Variants in SLCO5A1 observed in about 807,000 individuals in gnomAD.
SLCO5A1 encodes the protein solute carrier organic anion transporter family member 5A1.
SLCO5A1 carries 39 observed loss-of-function variants against 65.1 expected under a neutral mutation model. The ratio of observed to expected loss-of-function variants is 0.60; its 90% CI spans 0.46 to 0.78. The LOEUF (loss-of-function observed/expected upper bound fraction) is 0.78, where lower values mean the gene tolerates loss of function less well. Ranked by LOEUF, SLCO5A1 falls within the 30% of genes least tolerant of loss-of-function variation. The pLI, the probability that SLCO5A1 is intolerant of heterozygous loss-of-function variation, is 0.00. For synonymous variants in SLCO5A1, 438 were observed against 415.7 expected (o/e 1.05, Z -0.65); for missense variants, 1,029 against 1,069.4 (o/e 0.96, Z 0.53).
chr8:69,697,830 AT>A (rs1188696731), intron 6 of SLCO5A1, among the ~76,000 whole-genome samples: 2 of 152,006 alleles, frequency 1.3e-5, no homozygotes, highest in Admixed American at 6.6e-5. Context: ...CAGAAAGATA[AT>A]TTTTTTTATT....
intron 2 of SLCO5A1, among the ~76,000 whole-genome samples, chr8:69,785,852 C>A (rs555332732): frequency 1.3e-5 from 2 of 152,246 alleles, no homozygotes; most frequent in South Asian, 4.2e-4. Flanking sequence ...GTGCAACAGC[C>A]AAATAATACA....
At chr8:69,744,599 G>T (rs928685079) in intron 4 of SLCO5A1, among the ~76,000 whole-genome samples, 6 of 152,166 alleles carry the variant, frequency 3.9e-5, no homozygotes, top group African/African-American at 1.4e-4. Context: ...GACTATAAAA[G>T]CTATGACTGC....
At chr8:69,683,887 G>A (rs9298152) in intron 6 of SLCO5A1, among the ~76,000 whole-genome samples, 62,218 of 151,946 alleles carry the variant, frequency 0.41, 13,081 homozygotes, top group South Asian at 0.55. Flanking sequence ...TGACTATGCT[G>A]GTACCACTTA....
intron 6 of SLCO5A1, among the ~76,000 whole-genome samples, chr8:69,698,963 A>G (rs1264249415): frequency 6.6e-6 from 1 of 152,234 alleles, no homozygotes; most frequent in Non-Finnish European, 1.5e-5. Flanking sequence ...AAGCAGTCCA[A>G]TGTGAAGCAG....
At chr8:69,797,807 A>T (rs1458947857) in intron 2 of SLCO5A1, among the ~76,000 whole-genome samples, 1 of 152,066 alleles carries the variant, frequency 6.6e-6, no homozygotes, top group Non-Finnish European at 1.5e-5. Context: ...CGTGCCCAAA[A>T]CTTCATTAGC....
At chr8:69,709,293 A>G (rs945759855) in intron 5 of SLCO5A1, among the ~76,000 whole-genome samples, 1 of 152,150 alleles carries the variant, frequency 6.6e-6, no homozygotes, top group Non-Finnish European at 1.5e-5. Context: ...AAAGGGAATG[A>G]ATGGTTGAAT....
At chr8:69,687,258 C>T (rs927205789) in intron 6 of SLCO5A1, among the ~76,000 whole-genome samples, 2 of 152,074 alleles carry the variant, frequency 1.3e-5, no homozygotes, top group Admixed American at 6.5e-5. Context: ...CAAATCTTTT[C>T]GTCTATGGCT....
intron 2 of SLCO5A1, among the ~76,000 whole-genome samples, chr8:69,779,137 C>T (rs369892380): frequency 3.9e-5 from 6 of 152,106 alleles, no homozygotes; most frequent in East Asian, 3.8e-4. Flanking sequence ...AAAAGTTTGC[C>T]GGCCCTTATA....
intron 3 of SLCO5A1, among the ~76,000 whole-genome samples, chr8:69,757,612 G>T (rs1021519879): frequency 6.6e-6 from 1 of 152,226 alleles, no homozygotes; most frequent in Admixed American, 6.5e-5. Context: ...CCAGGAGGCA[G>T]AGGTTGCAGT....
chr8:69,746,766 A>T (rs1817046969), intron 4 of SLCO5A1, among the ~76,000 whole-genome samples: 1 of 152,134 alleles, frequency 6.6e-6, no homozygotes, highest in Admixed American at 6.5e-5. Flanking sequence ...ATGTTTATAA[A>T]TTTCTATATT....
intron 2 of SLCO5A1, among the ~76,000 whole-genome samples, chr8:69,776,188 T>G (rs1206600243): frequency 6.6e-6 from 1 of 152,160 alleles, no homozygotes; most frequent in Non-Finnish European, 1.5e-5. Flanking sequence ...TTCCCATATA[T>G]ATATCATGGT....
At chr8:69,787,054 C>T (rs1819065745) in intron 2 of SLCO5A1, among the ~76,000 whole-genome samples, 1 of 152,228 alleles carries the variant, frequency 6.6e-6, no homozygotes, top group Non-Finnish European at 1.5e-5. Flanking sequence ...CTGACTTGTC[C>T]TCATCCCTTC....
chr8:69,737,435 A>G (rs954063406), intron 5 of SLCO5A1, among the ~76,000 whole-genome samples: 15 of 152,282 alleles, frequency 9.9e-5, no homozygotes, highest in African/African-American at 2.9e-4. Flanking sequence ...AATTCCTCCA[A>G]TATCTGAGAA....
At chr8:69,762,022 G>T in intron 2 of SLCO5A1, 147 bp from the exon 3 acceptor site, 1 of 942,600 alleles carries the variant, frequency 1.1e-6, no homozygotes, top group South Asian at 1.9e-5. Context: ...TTGTGTCCAT[G>T]TCTACATCTT....
At chr8:69,768,097 G>C (rs947199323) in intron 2 of SLCO5A1, among the ~76,000 whole-genome samples, 2 of 151,876 alleles carry the variant, frequency 1.3e-5, no homozygotes. Context: ...GCCAGGCATG[G>C]TGGCACGCAC....
chr8:69,770,085 T>C (rs1818249120), intron 2 of SLCO5A1, among the ~76,000 whole-genome samples: 1 of 152,190 alleles, frequency 6.6e-6, no homozygotes, highest in African/African-American at 2.4e-5. Context: ...CGTAATTATG[T>C]TTTTTCATGT....
intron 3 of SLCO5A1, among the ~76,000 whole-genome samples, chr8:69,758,565 T>A (rs1252677094): frequency 6.6e-6 from 1 of 152,038 alleles, no homozygotes; most frequent in Non-Finnish European, 1.5e-5. Flanking sequence ...CATTAAAAAT[T>A]TACTCATAAT....
intron 2 of SLCO5A1, among the ~76,000 whole-genome samples, chr8:69,792,026 A>G (rs1819292101): frequency 6.6e-6 from 1 of 152,358 alleles, no homozygotes; most frequent in Non-Finnish European, 1.5e-5. Context: ...AATATTAGAT[A>G]TATTAATCCA....
At chr8:69,695,755 G>A (rs1586694045) in intron 6 of SLCO5A1, among the ~76,000 whole-genome samples, 1 of 152,190 alleles carries the variant, frequency 6.6e-6, no homozygotes, top group African/African-American at 2.4e-5. Context: ...GTTAGGAAAT[G>A]ATGGAGCCAG....
Sources: allele counts gnomAD v4.1 joint callset (sites outside exome capture counted in the v4.1 genomes callset), GRCh38; gene constraint gnomAD v4.1.1; transcripts MANE v1.5; gene names NCBI Gene and HGNC (gene_info 2026-07-23, HGNC 2026-07-21).